Variants in DLGAP4 observed in about 807,000 individuals in gnomAD.
DLGAP4 encodes the protein DLG associated protein 4.
In DLGAP4, 18 loss-of-function variants were observed where a neutral mutation model predicts 86.9. The observed-to-expected ratio is 0.21, with a 90% confidence interval of 0.14 to 0.31. DLGAP4 has a LOEUF of 0.31. Among genes scored for constraint, DLGAP4 ranks in the 10% least tolerant of loss-of-function variants. The pLI, the probability that DLGAP4 is intolerant of heterozygous loss-of-function variation, is 1.00. For synonymous variants in DLGAP4, 548 were observed against 574.3 expected, an observed-to-expected ratio of 0.95 and a Z score of 0.65; for missense variants, 1,085 against 1,362.6, an observed-to-expected ratio of 0.80 and a Z score of 3.21.
In DLGAP4 at chr20:36,446,866, A is replaced by G; in HGVS notation, c.1577A>G (p.Asp526Gly). 1 of 1,613,286 alleles carries G rather than the reference A, an allele frequency of 6.2e-7. No homozygotes were observed. The highest frequency in any genetic ancestry group is 8.5e-7 in the Non-Finnish European group (1 of 1,179,942). The change falls in exon 7 of 13, where the codon GAC (aspartate) becomes GGC (glycine). Residue 526 changes from aspartate (D) to glycine (G), a missense_variant. Around this residue, in one of 2 missense-constraint regions of DLGAP4, gnomAD observed 1,082 missense variants for 1,344.1 expected, o/e 0.81. Coordinates refer to ENST00000339266, the MANE Select transcript of DLGAP4 (RefSeq NM_001365621.2). ...CAGGCAGGCTGCTCGCAGGAGGAGGACAGTGTCTCCCTGCAGTCCCTCTCC... is the reference window on the plus strand; with the variant it reads ...CAGGCAGGCTGCTCGCAGGAGGAGGGCAGTGTCTCCCTGCAGTCCCTCTCC... Reference protein sequence around the residue: ...AIQAGCSQEEDSVSLQSLSPP... With the variant: ...AIQAGCSQEEGSVSLQSLSPP...
At chr20:36,462,516 C>T in intron 7 of DLGAP4, 1 of 1,601,370 alleles carries the variant, frequency 6.2e-7, no homozygotes, top group Non-Finnish European at 8.5e-7. Context: ...GTCTCCCTCT[C>T]CCTTTTTCTG....
intron 2 of DLGAP4, among the ~76,000 whole-genome samples, chr20:36,427,859 C>T (rs569518462): frequency 6.6e-6 from 1 of 150,864 alleles, no homozygotes; most frequent in South Asian, 2.1e-4. Context: ...ACGAGAATCG[C>T]TGGAACCCAG....
Position 36,526,439 on chromosome 20 carries a change from T to TGTCTAATCCCCTAGA in DLGAP4, c.2761-373_2761-359dup, listed in dbSNP as rs1319331509. Among the ~76,000 whole-genome samples, 3 of 152,084 alleles carry TGTCTAATCCCCTAGA rather than the reference T, an allele frequency of 2.0e-5. No individual in the cohort carries two copies. The East Asian group carries it at 5.8e-4, about 29-fold the overall frequency. On this transcript the variant is annotated intron_variant, in intron 12 of 12. Coordinates refer to ENST00000339266, the MANE Select transcript of DLGAP4 (RefSeq NM_001365621.2). ...AGTGACCCCTGTTGAACCGTGGCCC[T>TGTCTAATCCCCTAGA]GTCTAATCCCCTAGAATAGCCTGTA...
intron 10 of DLGAP4, among the ~76,000 whole-genome samples, chr20:36,518,969 T>G (rs955089184): frequency 6.6e-6 from 1 of 151,702 alleles, no homozygotes; most frequent in Non-Finnish European, 1.5e-5. Flanking sequence ...ATACAAAAAT[T>G]AGCCAGGTGT....
At chr20:36,506,718 G>A (rs1041908889) in intron 10 of DLGAP4, among the ~76,000 whole-genome samples, 1 of 152,138 alleles carries the variant, frequency 6.6e-6, no homozygotes, top group Admixed American at 6.5e-5. Context: ...TACAGTCTGT[G>A]GCATTAAATT....
chr20:36,466,554 G>A (rs1034655892), intron 7 of DLGAP4, among the ~76,000 whole-genome samples: 12 of 152,098 alleles, frequency 7.9e-5, no homozygotes, highest in African/African-American at 2.7e-4. Flanking sequence ...AATCTCTCTC[G>A]GGTTCCCAGA....
chr20:36,520,248 G>A (rs898306256), intron 10 of DLGAP4, among the ~76,000 whole-genome samples: 2 of 152,040 alleles, frequency 1.3e-5, no homozygotes, highest in Admixed American at 6.6e-5. Flanking sequence ...TCAGTTGTAG[G>A]GAATTCTTAT....
At chr20:36,497,756 G>T (rs922273183) in intron 8 of DLGAP4, 2 of 443,444 alleles carry the variant, frequency 4.5e-6, no homozygotes, top group African/African-American at 4.3e-5. Flanking sequence ...AGCAGGGCAG[G>T]TGTGCCAGCT....
At chr20:36,388,294 C>T (rs182137964) in intron 2 of DLGAP4, among the ~76,000 whole-genome samples, 7 of 152,150 alleles carry the variant, frequency 4.6e-5, no homozygotes, top group African/African-American at 1.7e-4. Context: ...GATGGGACTC[C>T]CATCAGGCAA....
rs200449976 is a variant in DLGAP4 at position 36,436,369 on chromosome 20, C to T, written c.1241+19C>T. 2 of 1,574,284 alleles carry T rather than the reference C, an allele frequency of 1.3e-6. No individual in the cohort carries two copies. The highest frequency in any genetic ancestry group is 1.3e-5 in the African/African-American group (1 of 74,418). Reference sequence around the variant, plus strand: ...CCCGCAGGTAGGCGCGCAGCTCCACCCTTACGGTCCCGCCCAGAGGCAAGC... The same window carrying T: ...CCCGCAGGTAGGCGCGCAGCTCCACTCTTACGGTCCCGCCCAGAGGCAAGC... On this transcript the variant is annotated intron_variant, in intron 4 of 12. Coordinates refer to ENST00000339266, the MANE Select transcript of DLGAP4 (RefSeq NM_001365621.2).
In DLGAP4 at chr20:36,525,917, T is replaced by C; in HGVS notation, c.2671T>C (p.Ser891Pro). The stretch of plus-strand genomic sequence containing the variant: ...AGGGTTCTGGGACCTGCTACAGCTG[T>C]CCATCGAGGATATCAGCATGAAGTT... ...LAGFWDLLQL[S>P]IEDISMKFDE... is the part of the protein sequence containing the mutation. The change falls in exon 12 of 13, where the codon TCC (serine) becomes CCC (proline). Residue 891 changes from serine (S) to proline (P), a missense_variant. Transcript: ENST00000339266. 1 of 1,613,720 alleles carries C rather than the reference T, an allele frequency of 6.2e-7. No individual in the cohort carries two copies. The highest frequency in any genetic ancestry group is 8.5e-7 in the Non-Finnish European group (1 of 1,179,938).
chr20:36,499,089 A>T, intron 8 of DLGAP4: 1 of 737,414 alleles, frequency 1.4e-6, no homozygotes, highest in Non-Finnish European at 2.2e-6. Flanking sequence ...CCTGCCCTCC[A>T]GGTTTCTGCC....
At chr20:36,391,020 G>A (rs1856585855) in intron 2 of DLGAP4, among the ~76,000 whole-genome samples, 2 of 152,164 alleles carry the variant, frequency 1.3e-5, no homozygotes, top group Non-Finnish European at 2.9e-5. Context: ...CTCTGGCCTT[G>A]ACCCAGATGG....
At chr20:36,456,039 T>G (rs957525000) in intron 7 of DLGAP4, among the ~76,000 whole-genome samples, 2 of 152,170 alleles carry the variant, frequency 1.3e-5, no homozygotes, top group Non-Finnish European at 1.5e-5. Context: ...GTTCTGAGAT[T>G]TGGTTAAGCA....
intron 2 of DLGAP4, among the ~76,000 whole-genome samples, chr20:36,422,194 G>A (rs2032849350): frequency 6.6e-6 from 1 of 152,108 alleles, no homozygotes; most frequent in African/African-American, 2.4e-5. Context: ...CCCTTCAGAG[G>A]TCTAAGGCAG....
At chr20:36,467,709 A>G (rs1421824280) in intron 7 of DLGAP4, among the ~76,000 whole-genome samples, 1 of 152,194 alleles carries the variant, frequency 6.6e-6, no homozygotes, top group East Asian at 1.9e-4. Context: ...CCCTTAGGAA[A>G]GCTTGGCCAG....
In DLGAP4 at chr20:36,439,873, G is replaced by A. The variant is rs1183301963; in HGVS notation, c.1356+5G>A. On this transcript the variant is annotated splice_donor_5th_base_variant and intron_variant, in intron 5 of 12. Transcript: ENST00000339266. ...GACTCCAGCTGCATCAGCCAGGTGA[G>A]GGTGGCAGGGAGGCTGGAGAGTCAG... The A allele has an allele frequency of 6.2e-7, 1 of 1,611,550 alleles. No homozygotes were observed. Among genetic ancestry groups the A allele is most frequent in the Non-Finnish European group, 8.5e-7 (1 of 1,179,182 alleles).
intron 7 of DLGAP4, among the ~76,000 whole-genome samples, chr20:36,488,949 A>G (rs909956169): frequency 6.6e-6 from 1 of 152,234 alleles, no homozygotes; most frequent in Non-Finnish European, 1.5e-5. Context: ...TCATGCATGG[A>G]TGAAGCGTAC....
intron 2 of DLGAP4, among the ~76,000 whole-genome samples, chr20:36,372,830 G>A (rs1240643376): frequency 6.6e-6 from 1 of 152,182 alleles, no homozygotes; most frequent in Non-Finnish European, 1.5e-5. Context: ...AAACAGTGCT[G>A]TAAATCTCTA....
Sources: allele counts gnomAD v4.1 joint callset (sites outside exome capture counted in the v4.1 genomes callset), GRCh38; gene constraint gnomAD v4.1.1; regional missense constraint gnomAD v4.1.1; transcripts MANE v1.5; gene names NCBI Gene and HGNC (gene_info 2026-07-23, HGNC 2026-07-21).